SEC61A2: variants seen among roughly 807,000 people sequenced by gnomAD.
SEC61A2 encodes the protein protein transport protein Sec61 subunit alpha isoform 2.
In SEC61A2, 28 loss-of-function variants were observed where a neutral mutation model predicts 59.9. The ratio of observed to expected loss-of-function variants is 0.47; its 90% CI spans 0.35 to 0.64. The LOEUF (loss-of-function observed/expected upper bound fraction) is 0.64, where lower values mean the gene tolerates loss of function less well. SEC61A2 is among the 30% of genes least tolerant of loss of function. The probability of loss-of-function intolerance (pLI) is 0.01; values close to 1 mark genes in which losing one functional copy is unlikely to be tolerated. For synonymous variants in SEC61A2, 202 were observed against 214.4 expected (o/e 0.94, Z 0.50); for missense variants, 340 against 585.9 (o/e 0.58, Z 4.33).
At chr10:12,146,666 C>G (rs113592752) in intron 4 of SEC61A2, among the ~76,000 whole-genome samples, 2 of 151,826 alleles carry the variant, frequency 1.3e-5, no homozygotes, top group Non-Finnish European at 2.9e-5. Context: ...TACAGGTGCC[C>G]GCCACCACGC....
Position 12,146,752 on chromosome 10 carries a change from T to C in SEC61A2, c.221-2843T>C, listed in dbSNP as rs1156281334. ...CCAGGATGGTCTTGATCTCCTGACC[T>C]TGTGATCCGCCCGCCTCAGCCTCCC... On this transcript the variant is annotated intron_variant, in intron 4 of 11. Transcript: ENST00000298428. Among the ~76,000 whole-genome samples the C allele has an allele frequency of 2.0e-5, 3 of 151,606 alleles. No homozygotes were observed. The East Asian group carries it at 5.9e-4, about 30-fold the overall frequency.
chr10:12,146,436 G>T (rs1309070849), intron 4 of SEC61A2, among the ~76,000 whole-genome samples: 1 of 152,190 alleles, frequency 6.6e-6, no homozygotes, highest in Non-Finnish European at 1.5e-5. Flanking sequence ...CTCCTGTGCT[G>T]CATTTTCCTG....
downstream of SEC61A2, chr10:12,166,675 GA>G (rs1564419451): frequency 6.1e-6 from 3 of 493,992 alleles, no homozygotes; most frequent in South Asian, 4.6e-5. Flanking sequence ...GGCTGGATGA[GA>G]ATCATCCTGA....
Position 12,165,081 on chromosome 10 carries a change from TCTC to T in SEC61A2, c.*637_*639del, listed in dbSNP as rs1272425624. 6.1e-6 allele frequency: 6 copies of T among 986,968 alleles called. No individual in the cohort carries two copies. Among genetic ancestry groups the T allele is most frequent in the South Asian group, 4.7e-5 (1 of 21,300 alleles). 61.1% of individuals were successfully genotyped at this position (986,968 alleles called of 1,614,324 possible). On this transcript the variant is annotated 3_prime_UTR_variant, in exon 12 of 12. Coordinates refer to ENST00000298428, the MANE Select transcript of SEC61A2 (RefSeq NM_018144.4). ...TCCTCTTCCTCTTCCTCCTTTTCCT[TCTC>T]CTCCTCCTCTCTTCCCAGTGACAGC...
rs189631686 is a variant in SEC61A2 at position 12,154,680 on chromosome 10, G to A, written c.463-1098G>A. Among the ~76,000 whole-genome samples the A allele has an allele frequency of 4.6e-5, 7 of 152,304 alleles. No homozygotes were observed. The highest frequency in any genetic ancestry group is 2.0e-4 in the Admixed American group (3 of 15,286). ...CCATTGAAACTCAGACTAAAAGCCTGTAAATAGACAAGTTAGGCTCTGTCC... is the reference window on the plus strand; with the variant it reads ...CCATTGAAACTCAGACTAAAAGCCTATAAATAGACAAGTTAGGCTCTGTCC... On this transcript the variant is annotated intron_variant, in intron 6 of 11. Coordinates refer to ENST00000298428, the MANE Select transcript of SEC61A2 (RefSeq NM_018144.4). The surrounding 1 kb of genome is among the most constrained non-coding windows in gnomAD (Gnocchi z 5.2).
At position 12,158,126 on chromosome 10, in the gene SEC61A2, C is replaced by T. The variant is rs4750175; in HGVS notation, c.975+21C>T. 0.42 allele frequency: 645,272 copies of T among 1,549,514 alleles called. 136,499 individuals are homozygous for T. The highest frequency in any genetic ancestry group is 0.52 in the East Asian group (22,803 of 44,172). The stretch of plus-strand genomic sequence containing the variant: ...GGGCCGTGAGTATTATGTTTATTTA[C>T]ATTATTTATAGTTTATTATAATTTG... On this transcript the variant is annotated intron_variant, in intron 9 of 11. Transcript: ENST00000298428. This position sits in a 1 kb window ranked among gnomAD's most constrained non-coding sequence, Gnocchi z 5.7.
chr10:12,138,952 T>TTTTGTTTG lies in SEC61A2; in HGVS notation c.141+2803_141+2810dup, dbSNP rs34420476. ...AGCTCTTTTCCAAGTGGTTGCCCCA[T>TTTTGTTTG]TTTGTTTGTTTGTTTGTTTGTTTGT... On this transcript the variant is annotated intron_variant, in intron 3 of 11. Transcript: ENST00000298428. Among the ~76,000 whole-genome samples, 104 of 151,416 alleles carry TTTTGTTTG rather than the reference T, an allele frequency of 6.9e-4. No individual in the cohort carries two copies. The East Asian group carries it at 7.9e-3, about 12-fold the overall frequency.
At chr10:12,131,151 C>T (rs1833725352) in intron 1 of SEC61A2, among the ~76,000 whole-genome samples, 1 of 152,134 alleles carries the variant, frequency 6.6e-6, no homozygotes, top group East Asian at 1.9e-4. Flanking sequence ...TCAGCCTGGG[C>T]GATAGAGCGA....
chr10:12,154,539 G>A lies in SEC61A2; in HGVS notation c.463-1239G>A, dbSNP rs80176904. Among the ~76,000 whole-genome samples the A allele has an allele frequency of 6.6e-6, 1 of 152,260 alleles. No individual in the cohort carries two copies. Among genetic ancestry groups the A allele is most frequent in the East Asian group, 1.9e-4 (1 of 5,186 alleles). ...TACATGATTGTGGTTAAATAGAATC[G>A]GTAGTAAGTCCTAACCTCTACATTA... On this transcript the variant is annotated intron_variant, in intron 6 of 11. Coordinates refer to ENST00000298428, the MANE Select transcript of SEC61A2 (RefSeq NM_018144.4). This position sits in a 1 kb window ranked among gnomAD's most constrained non-coding sequence, Gnocchi z 5.2.
At position 12,129,957 on chromosome 10, in the gene SEC61A2, C is replaced by T. The variant is rs558886215; in HGVS notation, c.7+163C>T. On this transcript the variant is annotated intron_variant, in intron 1 of 11. Transcript: ENST00000298428. The surrounding 1 kb of genome is among the most constrained non-coding windows in gnomAD (Gnocchi z 5.6). ...CGGGCCGGGGGCCTCCGCCGAGGCT[C>T]CCCTAGCCGTGCGAGGCCTTGCCCG... Among the ~76,000 whole-genome samples, 145 of 152,216 alleles carry T rather than the reference C, an allele frequency of 9.5e-4. No individual in the cohort carries two copies. Among genetic ancestry groups the T allele is most frequent in the African/African-American group, 3.5e-3 (145 of 41,546 alleles).
Position 12,161,214 on chromosome 10 carries a change from G to T in SEC61A2, c.1167+93G>T, listed in dbSNP as rs1437861542. On this transcript the variant is annotated intron_variant, in intron 10 of 11. Coordinates refer to ENST00000298428, the MANE Select transcript of SEC61A2 (RefSeq NM_018144.4). The surrounding 1 kb of genome is among the most constrained non-coding windows in gnomAD (Gnocchi z 5.4). ...GCACTTTGGCAGGCTGAGGCCGCTG[G>T]ATCGCTTCACCTCAGGAGTTTTGAG... 3 of 991,284 alleles carry T rather than the reference G, an allele frequency of 3.0e-6. No individual in the cohort carries two copies. The highest frequency in any genetic ancestry group is 1.7e-5 in the South Asian group (1 of 58,500). 61.4% of individuals were successfully genotyped at this position (991,284 alleles called of 1,614,324 possible). A position where few individuals can be genotyped will look rare whatever the true frequency, so the allele number is the denominator to read the frequency against.
At chr10:12,157,181 AAT>A in intron 8 of SEC61A2, 114 bp downstream of exon 8, 1 of 1,088,226 alleles carries the variant, frequency 9.2e-7, no homozygotes. Context: ...GATCAAGGGA[AAT>A]AAAATTTTGC....
In SEC61A2 at chr10:12,155,277, C is replaced by T; in HGVS notation, c.463-501C>T. The stretch of plus-strand genomic sequence containing the variant: ...TTCTGTACACATTTTATAGAGTATA[C>T]ATATATATAATATATATAATGCTTT... On this transcript the variant is annotated intron_variant, in intron 6 of 11. Transcript: ENST00000298428. This position sits in a 1 kb window ranked among gnomAD's most constrained non-coding sequence, Gnocchi z 4.3. The T allele has an allele frequency of 7.3e-7, 1 of 1,369,794 alleles. No homozygotes were observed. The highest frequency in any genetic ancestry group is 9.8e-7 in the Non-Finnish European group (1 of 1,025,422). The allele number at this position is 1,369,794 out of a possible 1,614,324, so 84.9% of individuals were successfully genotyped here.
intron 2 of SEC61A2, among the ~76,000 whole-genome samples, chr10:12,134,963 A>G (rs973235983): frequency 6.6e-6 from 1 of 152,108 alleles, no homozygotes; most frequent in Non-Finnish European, 1.5e-5. Context: ...TAGTACTTCA[A>G]AAAGGGGCAT....
chr10:12,150,187 G>C (rs1834242217), intron 6 of SEC61A2, among the ~76,000 whole-genome samples: 1 of 152,104 alleles, frequency 6.6e-6, no homozygotes, highest in South Asian at 2.1e-4. Flanking sequence ...TATTCTAATA[G>C]CTTCATAACT....
Position 12,158,720 on chromosome 10 carries a change from A to T in SEC61A2, c.975+615A>T, listed in dbSNP as rs1489485607. Among the ~76,000 whole-genome samples, 1 of 151,898 alleles carries T rather than the reference A, an allele frequency of 6.6e-6. No homozygotes were observed. Among genetic ancestry groups the T allele is most frequent in the African/African-American group, 2.4e-5 (1 of 41,364 alleles). ...ACTCCAGCCTGGGCGACAGAACGAG[A>T]CTCCGTCTCCAAAAAATAAAAACAA... On this transcript the variant is annotated intron_variant, in intron 9 of 11. Coordinates refer to ENST00000298428, the MANE Select transcript of SEC61A2 (RefSeq NM_018144.4). This position sits in a 1 kb window ranked among gnomAD's most constrained non-coding sequence, Gnocchi z 5.7.
At chr10:12,157,307 C>T (rs1258280436) in intron 8 of SEC61A2, among the ~76,000 whole-genome samples, 1 of 152,116 alleles carries the variant, frequency 6.6e-6, no homozygotes. Context: ...GTTTAAAAGG[C>T]AGAACGTCTT....
rs1360965046 is a variant in SEC61A2 at position 12,158,258 on chromosome 10, C to G, written c.975+153C>G. On this transcript the variant is annotated intron_variant, in intron 9 of 11. Coordinates refer to ENST00000298428, the MANE Select transcript of SEC61A2 (RefSeq NM_018144.4). The surrounding 1 kb of genome is among the most constrained non-coding windows in gnomAD (Gnocchi z 5.7). Reference sequence around the variant, plus strand: ...AGAGTTTAGTACTTATCTGGAAGAACTGGTAAGTGTTGCAGAAGTAAGATT... The same window carrying G: ...AGAGTTTAGTACTTATCTGGAAGAAGTGGTAAGTGTTGCAGAAGTAAGATT... The G allele has an allele frequency of 1.1e-5, 7 of 642,608 alleles. No individual in the cohort carries two copies. The African/African-American group carries it at 1.3e-4, about 12-fold the overall frequency. 39.8% of individuals were successfully genotyped at this position (642,608 alleles called of 1,614,324 possible).
At chr10:12,169,000 T>C (rs192943682), downstream of SEC61A2, among the ~76,000 whole-genome samples, 1 of 152,280 alleles carries the variant, frequency 6.6e-6, no homozygotes, top group African/African-American at 2.4e-5. The surrounding 1 kb of genome is among the most constrained non-coding windows in gnomAD (Gnocchi z 4.8). Flanking sequence ...TGACCTCAAG[T>C]GATCAGCCTA....
Sources: allele counts gnomAD v4.1 joint callset (sites outside exome capture counted in the v4.1 genomes callset), GRCh38; gene constraint gnomAD v4.1.1; non-coding constraint Gnocchi (gnomAD v3.1); transcripts MANE v1.5; gene names NCBI Gene and HGNC (gene_info 2026-07-23, HGNC 2026-07-21).